Variants in CFAP77 observed in about 807,000 individuals in gnomAD.
The protein encoded by CFAP77 is cilia and flagella associated protein 77, also known as cilia- and flagella-associated protein 77.
CFAP77 carries 25 observed loss-of-function variants against 31.1 expected under a neutral mutation model. The ratio of observed to expected loss-of-function variants is 0.80; its 90% CI spans 0.59 to 1.12. The LOEUF is 1.12. Ranked by LOEUF, CFAP77 falls within the 50% of genes most tolerant of loss-of-function variation. CFAP77 has a pLI of 0.00. For missense variants in CFAP77, 377 were observed against 397.3 expected (o/e 0.95, Z 0.44); for synonymous variants, 151 against 159.9 (o/e 0.94, Z 0.42).
chr9:132,569,728 C>CTTTTT (rs558402201), intron 5 of CFAP77, among the ~76,000 whole-genome samples: 18 of 98,492 alleles, frequency 1.8e-4, no homozygotes, highest in Non-Finnish European at 2.3e-4. Context: ...TCTAGCTGCC[C>CTTTTT]TTTTTTTTTT....
intron 3 of CFAP77, among the ~76,000 whole-genome samples, chr9:132,536,780 G>C (rs1259071488): frequency 2.0e-5 from 3 of 152,180 alleles, no homozygotes; most frequent in African/African-American, 7.2e-5. Context: ...TCCCACCTGG[G>C]AGCAGTTGGC....
intron 3 of CFAP77, among the ~76,000 whole-genome samples, chr9:132,500,747 A>G (rs1047899550): frequency 6.6e-6 from 1 of 152,186 alleles, no homozygotes; most frequent in Non-Finnish European, 1.5e-5. Flanking sequence ...CACAGTTTAG[A>G]TGACTGGCAC....
chr9:132,441,899 A>G (rs1850621324), intron 1 of CFAP77, among the ~76,000 whole-genome samples: 1 of 152,192 alleles, frequency 6.6e-6, no homozygotes, highest in South Asian at 2.1e-4. Flanking sequence ...AGACCTTCCT[A>G]ATCATCAGAA....
intron 1 of CFAP77, among the ~76,000 whole-genome samples, chr9:132,427,024 C>A (rs1330677675): frequency 1.3e-5 from 2 of 152,082 alleles, no homozygotes; most frequent in Non-Finnish European, 2.9e-5. Flanking sequence ...GGTTATTAAT[C>A]GAAATATAAA....
chr9:132,498,626 T>C lies in CFAP77; in HGVS notation c.196-69T>C. ...ATGCAGGCATCTGGTGCCTCCCTGC[T>C]GCCGGATTACAATACATTTGGTCTG... On this transcript the variant is annotated intron_variant, in intron 1 of 5. Coordinates refer to ENST00000393216, the MANE Select transcript of CFAP77 (RefSeq NM_001282957.2). The surrounding 1 kb of genome is among the most constrained non-coding windows in gnomAD (Gnocchi z 4.2). 8.1e-7 allele frequency: 1 copy of C among 1,236,482 alleles called. No individual in the cohort carries two copies. Among genetic ancestry groups the C allele is most frequent in the African/African-American group, 1.5e-5 (1 of 67,446 alleles). 76.6% of individuals were successfully genotyped at this position (1,236,482 alleles called of 1,614,324 possible).
At chr9:132,472,020 C>T (rs762142450) in intron 1 of CFAP77, among the ~76,000 whole-genome samples, 4 of 152,196 alleles carry the variant, frequency 2.6e-5, no homozygotes, top group Non-Finnish European at 5.9e-5. Flanking sequence ...CTTCACTGGG[C>T]ATTTTTATTT....
Position 132,565,749 on chromosome 9 carries a change from A to G in CFAP77, c.733-6639A>G, listed in dbSNP as rs1432559563. Among the ~76,000 whole-genome samples the G allele has an allele frequency of 6.6e-6, 1 of 152,080 alleles. No homozygotes were observed. Among genetic ancestry groups the G allele is most frequent in the Non-Finnish European group, 1.5e-5 (1 of 67,978 alleles). ...TCCATGTGGGCTCTGCCTTCCTGGC[A>G]GGTGTGTTTCCAGGGCACTGCATGG... On this transcript the variant is annotated intron_variant, in intron 5 of 5. Coordinates refer to ENST00000393216, the MANE Select transcript of CFAP77 (RefSeq NM_001282957.2). The surrounding 1 kb of genome is among the most constrained non-coding windows in gnomAD (Gnocchi z 4.1).
chr9:132,561,604 T>TAC (rs61039438), intron 5 of CFAP77, among the ~76,000 whole-genome samples: 6,344 of 111,390 alleles, frequency 0.057, 199 homozygotes, highest in Non-Finnish European at 0.069. Context: ...GAGGTGCATG[T>TAC]ACACACACAC....
intron 3 of CFAP77, among the ~76,000 whole-genome samples, chr9:132,535,837 T>G (rs1223434014): frequency 6.6e-6 from 1 of 152,206 alleles, no homozygotes; most frequent in African/African-American, 2.4e-5. Flanking sequence ...GGGTAGATGC[T>G]AATCCTTTCT....
intron 1 of CFAP77, among the ~76,000 whole-genome samples, chr9:132,412,325 G>A (rs185697527): frequency 1.3e-5 from 2 of 152,196 alleles, no homozygotes; most frequent in African/African-American, 4.8e-5. Flanking sequence ...CTTCCACCAG[G>A]GACAGCCAGG....
rs2119118067 is a variant in CFAP77, at chr9:132,572,550, T to C, written c.*40T>C. On this transcript the variant is annotated 3_prime_UTR_variant, in exon 6 of 6. Transcript: ENST00000393216. ...GCCACAAGAAGCCATCTTGACATAGTGGAAAATTCCCAGAAGGACTCCCTA... is the reference window on the plus strand; with the variant it reads ...GCCACAAGAAGCCATCTTGACATAGCGGAAAATTCCCAGAAGGACTCCCTA... 6.3e-7 allele frequency: 1 copy of C among 1,575,862 alleles called. No homozygotes were observed.
rs1429867276 is a variant in CFAP77, at chr9:132,552,474, T to A, written c.732+9427T>A. On this transcript the variant is annotated intron_variant, in intron 5 of 5. Coordinates refer to ENST00000393216, the MANE Select transcript of CFAP77 (RefSeq NM_001282957.2). The surrounding 1 kb of genome is among the most constrained non-coding windows in gnomAD (Gnocchi z 5.5). Reference sequence around the variant, plus strand: ...ACTTTGGGAGGCCAAGGCGGGAGGATCACTTCAGCTCAGGAGTTTGAGACC... The same window carrying A: ...ACTTTGGGAGGCCAAGGCGGGAGGAACACTTCAGCTCAGGAGTTTGAGACC... Among the ~76,000 whole-genome samples the A allele has an allele frequency of 1.3e-5, 2 of 152,054 alleles. No individual in the cohort carries two copies. Among genetic ancestry groups the A allele is most frequent in the Non-Finnish European group, 2.9e-5 (2 of 68,000 alleles).
chr9:132,526,784 C>G (rs1487423734), intron 3 of CFAP77, among the ~76,000 whole-genome samples: 9 of 83,572 alleles, frequency 1.1e-4, no homozygotes, highest in Admixed American at 9.7e-4. Flanking sequence ...GACACATACA[C>G]TCTCCCAAGA....
At chr9:132,468,789 A>G (rs1272360516) in intron 1 of CFAP77, among the ~76,000 whole-genome samples, 2 of 89,270 alleles carry the variant, frequency 2.2e-5, no homozygotes, top group South Asian at 4.0e-4. Context: ...GCACACACAC[A>G]CGCACACACA....
chr9:132,438,935 G>C (rs900260370), intron 1 of CFAP77, among the ~76,000 whole-genome samples: 3 of 151,008 alleles, frequency 2.0e-5, no homozygotes, highest in Non-Finnish European at 2.9e-5. Context: ...GAGTGCAGTG[G>C]TGGGATCTCG....
At chr9:132,434,924 A>G (rs1189702526) in intron 1 of CFAP77, among the ~76,000 whole-genome samples, 1 of 151,664 alleles carries the variant, frequency 6.6e-6, no homozygotes, top group South Asian at 2.1e-4. Context: ...GAAGGAACAC[A>G]TGGCCAGTCC....
At chr9:132,549,601 G>A (rs765313077) in intron 5 of CFAP77, among the ~76,000 whole-genome samples, 3 of 152,238 alleles carry the variant, frequency 2.0e-5, no homozygotes, top group Non-Finnish European at 2.9e-5. Context: ...ACTTTGGGAG[G>A]CTGAGGCGGG....
intron 3 of CFAP77, among the ~76,000 whole-genome samples, chr9:132,518,468 A>AGCATCAC (rs1852188936): frequency 6.6e-6 from 1 of 152,144 alleles, no homozygotes; most frequent in African/African-American, 2.4e-5. Context: ...TGCATCCCTG[A>AGCATCAC]GCATCACACG....
chr9:132,568,308 A>T (rs1829912218), intron 5 of CFAP77, among the ~76,000 whole-genome samples: 1 of 152,150 alleles, frequency 6.6e-6, no homozygotes, highest in Non-Finnish European at 1.5e-5. Context: ...TAATCCCAAC[A>T]CTTTGGGAGG....
Sources: allele counts gnomAD v4.1 joint callset (sites outside exome capture counted in the v4.1 genomes callset), GRCh38; gene constraint gnomAD v4.1.1; non-coding constraint Gnocchi (gnomAD v3.1); transcripts MANE v1.5; gene names NCBI Gene and HGNC (gene_info 2026-07-23, HGNC 2026-07-21).